Variants in C1QTNF2 observed in about 807,000 individuals in gnomAD.
C1QTNF2 encodes the protein complement C1q tumor necrosis factor-related protein 2.
Under a neutral mutation model 17.4 loss-of-function variants are expected in C1QTNF2, and 15 were observed. That is an observed-to-expected ratio of 0.86 (90% CI 0.58 to 1.33). C1QTNF2 has a LOEUF of 1.33. Ranked by LOEUF, C1QTNF2 falls within the 40% of genes most tolerant of loss-of-function variation. C1QTNF2 has a pLI of 0.00. For synonymous variants in C1QTNF2, 154 were observed against 163.3 expected (o/e 0.94, Z 0.44); for missense variants, 381 against 392.3 (o/e 0.97, Z 0.24).
At chr5:160,360,830 C>T (rs1258948394) in intron 1 of C1QTNF2, among the ~76,000 whole-genome samples, 8 of 146,748 alleles carry the variant, frequency 5.5e-5, no homozygotes, top group Non-Finnish European at 1.2e-4. Flanking sequence ...GAGTCTCGCT[C>T]TGCTGCCAGG....
At position 160,355,029 on chromosome 5, in the gene C1QTNF2, G is replaced by A; in HGVS notation, c.-9-9C>T. 6.5e-7 allele frequency: 1 copy of A among 1,534,282 alleles called. No homozygotes were observed. Among genetic ancestry groups the A allele is most frequent in the South Asian group, 1.3e-5 (1 of 77,756 alleles). On this transcript the variant is annotated splice_polypyrimidine_tract_variant and intron_variant, in intron 1 of 2. Transcript: ENST00000652664. Reference sequence around the variant, plus strand: ...GGGATCATGGTGGTTACCTGTGGGAGGCAAGAGAGCTGTGACAGGTGAGTG... The same window carrying A: ...GGGATCATGGTGGTTACCTGTGGGAAGCAAGAGAGCTGTGACAGGTGAGTG...
rs1172776724 is a variant in C1QTNF2 at position 160,354,598 on chromosome 5, GTATATATATATATATA to G, written c.244+154_244+169del. ...TGTCTCAAGGGGAAAAAAAAAAAAA[GTATATATATATATATA>G]TATATATATATATATATATAGATTT... is the stretch of plus-strand genomic sequence containing the variant. On this transcript the variant is annotated intron_variant, in intron 2 of 2. Transcript: ENST00000652664. 4.2e-4 allele frequency among the ~76,000 whole-genome samples: 13 copies of G among 30,884 alleles called. 1 individual carries two copies. The highest frequency in any genetic ancestry group is 1.4e-3 in the East Asian group (1 of 720). The allele number at this position is 30,884 out of a possible 152,430, so 20.3% of individuals were successfully genotyped here. A position where few individuals can be genotyped will look rare whatever the true frequency, so the allele number is the denominator to read the frequency against.
intron 2 of C1QTNF2, among the ~76,000 whole-genome samples, chr5:160,350,699 C>G (rs1763901641): frequency 6.6e-6 from 1 of 151,716 alleles, no homozygotes; most frequent in African/African-American, 2.4e-5. Flanking sequence ...AAGACCTTGT[C>G]TCTAAAAAAT....
intron 1 of C1QTNF2, among the ~76,000 whole-genome samples, chr5:160,365,790 AT>A (rs1764237884): frequency 6.6e-6 from 1 of 152,204 alleles, no homozygotes; most frequent in Non-Finnish European, 1.5e-5. Flanking sequence ...GATGTGTGAA[AT>A]CTGAAATAAC....
intron 1 of C1QTNF2, among the ~76,000 whole-genome samples, chr5:160,362,213 T>C (rs1012107135): frequency 2.6e-5 from 4 of 152,190 alleles, no homozygotes; most frequent in African/African-American, 4.8e-5. Flanking sequence ...TAAGACCCAC[T>C]GGACCCAACA....
intron 2 of C1QTNF2, among the ~76,000 whole-genome samples, chr5:160,350,013 T>G (rs897970434): frequency 6.6e-6 from 1 of 152,190 alleles, no homozygotes; most frequent in African/African-American, 2.4e-5. Flanking sequence ...AAAGAATAAC[T>G]TGTAACAGTT....
chr5:160,367,910 T>C (rs1377052367), intron 1 of C1QTNF2, among the ~76,000 whole-genome samples: 1 of 152,246 alleles, frequency 6.6e-6, no homozygotes, highest in Non-Finnish European at 1.5e-5. Context: ...AAAGTTTTGA[T>C]GTTCATATCT....
At chr5:160,365,577 C>A (rs1010651862) in intron 1 of C1QTNF2, among the ~76,000 whole-genome samples, 2 of 151,928 alleles carry the variant, frequency 1.3e-5, no homozygotes, top group African/African-American at 4.8e-5. Context: ...CACCTCACCC[C>A]GCCATCTCTA....
At chr5:160,356,156 C>T (rs1283180861) in intron 1 of C1QTNF2, among the ~76,000 whole-genome samples, 1 of 152,252 alleles carries the variant, frequency 6.6e-6, no homozygotes, top group Non-Finnish European at 1.5e-5. Flanking sequence ...GATCTCTCAA[C>T]AAATCAGTTC....
At chr5:160,364,029 T>TA (rs1191428145) in intron 1 of C1QTNF2, among the ~76,000 whole-genome samples, 1 of 152,176 alleles carries the variant, frequency 6.6e-6, no homozygotes, top group African/African-American at 2.4e-5. Context: ...GTAGTCACAT[T>TA]AAAAAAGTAA....
At chr5:160,352,305 C>T (rs190304649) in intron 2 of C1QTNF2, among the ~76,000 whole-genome samples, 46 of 152,310 alleles carry the variant, frequency 3.0e-4, no homozygotes, top group African/African-American at 1.1e-3. Context: ...CTTTCCTCTT[C>T]TTTACCTTTT....
intron 1 of C1QTNF2, among the ~76,000 whole-genome samples, chr5:160,359,687 G>A (rs560790470): frequency 1.3e-5 from 2 of 152,328 alleles, no homozygotes; most frequent in Non-Finnish European, 2.9e-5. Flanking sequence ...GATTAGACAA[G>A]GTGATGAGAG....
At position 160,370,548 on chromosome 5, in the gene C1QTNF2, G is replaced by A. The variant is rs779101738; in HGVS notation, c.-46C>T. On this transcript the variant is annotated 5_prime_UTR_variant, in exon 1 of 3. Transcript: ENST00000652664. Reference sequence around the variant, plus strand: ...CCCGCCACGTCCAGGGGCGTCCGGAGCAAAGAAGCTCTCGGCGGGGCTCCG... The same window carrying A: ...CCCGCCACGTCCAGGGGCGTCCGGAACAAAGAAGCTCTCGGCGGGGCTCCG... 3 of 1,487,210 alleles carry A rather than the reference G, an allele frequency of 2.0e-6. No homozygotes were observed. Among genetic ancestry groups the A allele is most frequent in the Admixed American group, 5.0e-5 (2 of 40,076 alleles). The allele number at this position is 1,487,210 out of a possible 1,614,324, so 92.1% of individuals were successfully genotyped here. A position where few individuals can be genotyped will look rare whatever the true frequency, so the allele number is the denominator to read the frequency against.
At chr5:160,351,056 G>A in intron 2 of C1QTNF2, among the ~76,000 whole-genome samples, 1 of 152,150 alleles carries the variant, frequency 6.6e-6, no homozygotes, top group East Asian at 1.9e-4. Context: ...GGCCCACAGT[G>A]CTAAATATTT....
At chr5:160,359,955 C>G (rs1311460580) in intron 1 of C1QTNF2, among the ~76,000 whole-genome samples, 3 of 152,192 alleles carry the variant, frequency 2.0e-5, no homozygotes, top group Non-Finnish European at 2.9e-5. Flanking sequence ...CACCCACCCC[C>G]CCTACCTTTT....
At chr5:160,350,097 G>A (rs1305394124) in intron 2 of C1QTNF2, among the ~76,000 whole-genome samples, 1 of 152,182 alleles carries the variant, frequency 6.6e-6, no homozygotes, top group African/African-American at 2.4e-5. Context: ...CATGGGCTGC[G>A]CTGGTAATGG....
chr5:160,358,865 C>T (rs1764098873), intron 1 of C1QTNF2, among the ~76,000 whole-genome samples: 1 of 152,156 alleles, frequency 6.6e-6, no homozygotes, highest in South Asian at 2.1e-4. Flanking sequence ...ACTGCAACCT[C>T]CACCTCTCGG....
At position 160,348,975 on chromosome 5, in the gene C1QTNF2, AG is replaced by A. The variant is rs2075014958; in HGVS notation, c.*192del. On this transcript the variant is annotated 3_prime_UTR_variant, in exon 3 of 3. Transcript: ENST00000652664. ...TTACACAGTAGATACTTTAAAAAGAAGTGAATAAATAGATGGTTGGATGAAT... is the reference window on the plus strand; with the variant it reads ...TTACACAGTAGATACTTTAAAAAGAATGAATAAATAGATGGTTGGATGAAT... 1.6e-6 allele frequency: 1 copy of A among 636,424 alleles called. No individual in the cohort carries two copies. Among genetic ancestry groups the A allele is most frequent in the African/African-American group, 1.8e-5 (1 of 54,874 alleles). 39.4% of individuals were successfully genotyped at this position (636,424 alleles called of 1,614,324 possible). A position where few individuals can be genotyped will look rare whatever the true frequency, so the allele number is the denominator to read the frequency against.
At chr5:160,363,475 C>G (rs988677222) in intron 1 of C1QTNF2, among the ~76,000 whole-genome samples, 3 of 152,198 alleles carry the variant, frequency 2.0e-5, no homozygotes, top group Non-Finnish European at 4.4e-5. Context: ...ATTTCTGGTT[C>G]AGCCTAGAAA....
Sources: gnomAD v4.1 joint callset for allele counts (sites outside exome capture counted in the v4.1 genomes callset) on GRCh38, gnomAD v4.1.1 for gene constraint, MANE v1.5 for transcripts, NCBI Gene and HGNC (gene_info 2026-07-23, HGNC 2026-07-21) for gene names.